SUPT20H: variants seen among roughly 807,000 people sequenced by gnomAD.
SUPT20H encodes the protein transcription factor SPT20 homolog.
A neutral mutation model predicts 122.8 loss-of-function variants in SUPT20H; 82 were observed. That is an observed-to-expected ratio of 0.67 (90% CI 0.56 to 0.80). SUPT20H has a LOEUF of 0.80. Among genes scored for constraint, SUPT20H ranks in the 30% least tolerant of loss-of-function variants. The pLI is 0.00. For synonymous variants in SUPT20H, 291 were observed against 313.0 expected (o/e 0.93, Z 0.74); for missense variants, 831 against 921.6 (o/e 0.90, Z 1.27).
intron 1 of SUPT20H, among the ~76,000 whole-genome samples, chr13:37,057,574 C>T (rs965453772): frequency 3.9e-4 from 59 of 150,450 alleles, no homozygotes; most frequent in Admixed American, 6.6e-5. Context: ...GTGTGGCTCA[C>T]GCCAGTAATC....
chr13:37,040,194 G>T, intron 9 of SUPT20H: 1 of 437,168 alleles, frequency 2.3e-6, no homozygotes. Context: ...AGGCCAGCTT[G>T]ACCTTAAAAT....
Position 37,022,779 on chromosome 13 carries a change from A to G in SUPT20H, c.1592-699T>C. Reference sequence around the variant, plus strand: ...TGGTTAACAATCATATTTGGCACCTAAATATACATGTTTAATTCCTAACAC... The same window carrying G: ...TGGTTAACAATCATATTTGGCACCTGAATATACATGTTTAATTCCTAACAC... On this transcript the variant is annotated intron_variant, in intron 19 of 25. Transcript: ENST00000350612. This position sits in a 1 kb window ranked among gnomAD's most constrained non-coding sequence, Gnocchi z 4.5. The G allele has an allele frequency of 2.9e-6, 3 of 1,019,242 alleles. No homozygotes were observed. The South Asian group carries it at 1.1e-4, about 38-fold the overall frequency. 63.1% of individuals were successfully genotyped at this position (1,019,242 alleles called of 1,614,324 possible). A position where few individuals can be genotyped will look rare whatever the true frequency, so the allele number is the denominator to read the frequency against.
chr13:37,049,563 A>T (rs936597442), intron 2 of SUPT20H, among the ~76,000 whole-genome samples: 2 of 152,134 alleles, frequency 1.3e-5, no homozygotes, highest in Admixed American at 1.3e-4. Flanking sequence ...AACATGGTGA[A>T]ACCCTATCTC....
In SUPT20H at chr13:37,019,365, G is replaced by T. The variant is rs1343584403; in HGVS notation, c.1849C>A (p.Leu617Ile). Residue 617 changes from leucine (L) to isoleucine (I), a missense_variant, in exon 22 of 26, where the codon CTC becomes ATC. By Grantham distance (5) the Leu-to-Ile change is conservative. Coordinates refer to ENST00000350612, the MANE Select transcript of SUPT20H (RefSeq NM_001014286.3). ...VPFGLKNTSSLRPLNLLQLPG... is the reference protein window; with the variant it reads ...VPFGLKNTSSIRPLNLLQLPG... The stretch of plus-strand genomic sequence containing the variant: ...ACCTGGAGTAGATTTAAGGGCCTGA[G>T]ACTTGAAGTATTTTTTAAACCAAAT... The T allele has an allele frequency of 1.2e-6, 2 of 1,603,764 alleles. No homozygotes were observed. The highest frequency in any genetic ancestry group is 1.7e-6 in the Non-Finnish European group (2 of 1,176,120).
At chr13:37,030,226 C>T (rs190367809) in intron 12 of SUPT20H, among the ~76,000 whole-genome samples, 275 of 152,178 alleles carry the variant, frequency 1.8e-3, no homozygotes, top group Non-Finnish European at 2.7e-3. Flanking sequence ...TAAAAGCGGT[C>T]ATGTAACAGT....
intron 12 of SUPT20H, 119 bp from the exon 13 acceptor site, chr13:37,029,955 C>T (rs910059478): frequency 7.4e-6 from 5 of 678,952 alleles, no homozygotes; most frequent in East Asian, 3.3e-5. Flanking sequence ...TACTTGTTAG[C>T]GCAAGAATTC....
chr13:37,024,174 T>C lies in SUPT20H; in HGVS notation c.1452A>G (p.Gln484=), dbSNP rs779028687. The change falls in exon 19 of 26, where the codon CAA becomes CAG. Residue 484 remains glutamine, a synonymous_variant. Coordinates refer to ENST00000350612, the MANE Select transcript of SUPT20H (RefSeq NM_001014286.3). ...GAGATTTGAGAAAGCTGCTTGTCTG[T>C]TGTGGTGTAAAATAGTTACCTAGAA... is the stretch of plus-strand genomic sequence containing the variant. The part of the protein sequence containing the change: ...NSSSGNYFTP[Q]QTSSFLKSPT... The C allele has an allele frequency of 4.3e-6, 7 of 1,613,026 alleles. No individual in the cohort carries two copies. In the Admixed American group the frequency reaches 6.7e-5, roughly 15 times the overall value.
chr13:37,022,727 C>T lies in SUPT20H; in HGVS notation c.1592-647G>A, dbSNP rs781651636. 4 of 989,430 alleles carry T rather than the reference C, an allele frequency of 4.0e-6. No individual in the cohort carries two copies. The highest frequency in any genetic ancestry group is 4.8e-6 in the Non-Finnish European group (4 of 830,172). 61.3% of individuals were successfully genotyped at this position (989,430 alleles called of 1,614,324 possible). Reference sequence around the variant, plus strand: ...ATTTAGTGTAAAAGTCTGAGATAAACTGTAAACATATTTAATAAGTTACAT... The same window carrying T: ...ATTTAGTGTAAAAGTCTGAGATAAATTGTAAACATATTTAATAAGTTACAT... On this transcript the variant is annotated intron_variant, in intron 19 of 25. Coordinates refer to ENST00000350612, the MANE Select transcript of SUPT20H (RefSeq NM_001014286.3). This position sits in a 1 kb window ranked among gnomAD's most constrained non-coding sequence, Gnocchi z 4.5.
intron 1 of SUPT20H, 174 bp downstream of exon 1, chr13:37,059,385 A>G (rs1230098081): frequency 6.6e-6 from 1 of 152,256 alleles, no homozygotes; most frequent in Non-Finnish European, 1.5e-5. Context: ...GTAGGCGTCC[A>G]CCTGGAGTTT....
intron 14 of SUPT20H, 106 bp from the exon 15 acceptor site, chr13:37,026,922 TAATA>T (rs762664985): frequency 4.4e-6 from 3 of 685,956 alleles, no homozygotes; most frequent in Non-Finnish European, 6.6e-6. Flanking sequence ...GACTGGAAGA[TAATA>T]AATCATGCAG....
chr13:37,015,436 A>G (rs1282733430), intron 23 of SUPT20H, among the ~76,000 whole-genome samples: 1 of 151,852 alleles, frequency 6.6e-6, no homozygotes, highest in Non-Finnish European at 1.5e-5. Context: ...TGCCAATCAA[A>G]ACCACAATGG....
chr13:37,053,850 A>G (rs1463396943), intron 1 of SUPT20H, among the ~76,000 whole-genome samples: 1 of 152,216 alleles, frequency 6.6e-6, no homozygotes, highest in Non-Finnish European at 1.5e-5. Context: ...TGAAAGATCA[A>G]CAAAATTGAT....
At chr13:37,035,675 G>C (rs560954437) in intron 9 of SUPT20H, among the ~76,000 whole-genome samples, 1 of 152,148 alleles carries the variant, frequency 6.6e-6, no homozygotes, top group South Asian at 2.1e-4. Flanking sequence ...GGGATTACAG[G>C]CAACTGCCAC....
intron 16 of SUPT20H, chr13:37,025,819 T>C (rs2062156527): frequency 5.0e-6 from 1 of 200,526 alleles, no homozygotes. Flanking sequence ...TTTTCTTATT[T>C]AAAACAAAAC....
chr13:37,051,356 G>A lies in SUPT20H; in HGVS notation c.3+132C>T. On this transcript the variant is annotated intron_variant, in intron 2 of 25. Transcript: ENST00000350612. The stretch of plus-strand genomic sequence containing the variant: ...GAAGACTTTGCAATGGGATTGCTAA[G>A]TAATTTCCCAGTTGGGATAACCTGT... 2.1e-5 allele frequency: 18 copies of A among 844,970 alleles called. No individual in the cohort carries two copies. The South Asian group carries it at 3.7e-4, about 18-fold the overall frequency. 52.3% of individuals were successfully genotyped at this position (844,970 alleles called of 1,614,324 possible). A position where few individuals can be genotyped will look rare whatever the true frequency, so the allele number is the denominator to read the frequency against.
At chr13:37,017,794 C>G (rs913093681) in intron 22 of SUPT20H, among the ~76,000 whole-genome samples, 2 of 152,094 alleles carry the variant, frequency 1.3e-5, no homozygotes, top group African/African-American at 4.8e-5. Context: ...AAATATTATA[C>G]AAGATCTTTT....
In SUPT20H at chr13:37,047,615, A is replaced by G. The variant is rs1429319409; in HGVS notation, c.99-14T>C. On this transcript the variant is annotated splice_polypyrimidine_tract_variant and intron_variant, in intron 4 of 25. Transcript: ENST00000350612. ...AATACAGATTTTCTAAAAAAATTTA[A>G]TGAAACAAATATATAAAATGTTAAC... 2 of 1,366,706 alleles carry G rather than the reference A, an allele frequency of 1.5e-6. No individual in the cohort carries two copies. The highest frequency in any genetic ancestry group is 2.0e-6 in the Non-Finnish European group (2 of 1,019,436). The allele number at this position is 1,366,706 out of a possible 1,614,324, so 84.7% of individuals were successfully genotyped here. A position where few individuals can be genotyped will look rare whatever the true frequency, so the allele number is the denominator to read the frequency against.
At chr13:37,021,042 T>C (rs1048359008) in intron 21 of SUPT20H, among the ~76,000 whole-genome samples, 1 of 152,162 alleles carries the variant, frequency 6.6e-6, no homozygotes, top group African/African-American at 2.4e-5. Flanking sequence ...AATGGTAAGC[T>C]GTACAACTGG....
At chr13:37,025,544 C>G in intron 16 of SUPT20H, 107 bp from the exon 17 acceptor site, 1 of 680,892 alleles carries the variant, frequency 1.5e-6, no homozygotes, top group South Asian at 1.9e-5. Context: ...AAAGTTCTAT[C>G]AAAATTAACA....
Sources: allele counts gnomAD v4.1 joint callset (sites outside exome capture counted in the v4.1 genomes callset), GRCh38; gene constraint gnomAD v4.1.1; non-coding constraint Gnocchi (gnomAD v3.1); transcripts MANE v1.5; gene names NCBI Gene and HGNC (gene_info 2026-07-23, HGNC 2026-07-21).